LRP1B: variants seen among roughly 807,000 people sequenced by gnomAD.
The protein encoded by LRP1B is LDL receptor related protein 1B, also known as low-density lipoprotein receptor-related protein 1B.
LRP1B carries 217 observed loss-of-function variants against 556.6 expected under a neutral mutation model. The observed-to-expected ratio is 0.39, with a 90% CI of 0.35 to 0.44. LRP1B has a LOEUF of 0.44. LRP1B is among the 20% of genes least tolerant of loss of function. The probability of loss-of-function intolerance (pLI) is 1.00; values close to 1 mark genes in which losing one functional copy is unlikely to be tolerated. For missense variants in LRP1B, 5,053 were observed against 5,620.8 expected, an observed-to-expected ratio of 0.90 and a Z score of 3.23; for synonymous variants, 2,047 against 1,865.8, an observed-to-expected ratio of 1.10 and a Z score of -2.50.
At chr2:140,290,128 T>A (rs1683313588) in intron 84 of LRP1B, among the ~76,000 whole-genome samples, 1 of 152,160 alleles carries the variant, frequency 6.6e-6, no homozygotes. Context: ...CTGTTTAATA[T>A]TCTAGTGGGG....
chr2:141,832,346 C>CTT, intron 1 of LRP1B, among the ~76,000 whole-genome samples: 1 of 150,676 alleles, frequency 6.6e-6, no homozygotes, highest in East Asian at 1.9e-4. Flanking sequence ...CACACACACA[C>CTT]ACACACACAC....
chr2:141,368,270 G>A (rs1689114552), intron 3 of LRP1B, among the ~76,000 whole-genome samples: 1 of 152,164 alleles, frequency 6.6e-6, no homozygotes, highest in South Asian at 2.1e-4. Flanking sequence ...ATTTGTGAAT[G>A]TCTGAGATGT....
intron 2 of LRP1B, among the ~76,000 whole-genome samples, chr2:141,597,574 G>T (rs1263121501): frequency 6.6e-6 from 1 of 151,928 alleles, no homozygotes; most frequent in Non-Finnish European, 1.5e-5. Flanking sequence ...GTGTGTTTTT[G>T]CCCAGACTGC....
intron 1 of LRP1B, among the ~76,000 whole-genome samples, chr2:142,103,357 T>C (rs1706632736): frequency 6.6e-6 from 1 of 151,990 alleles, no homozygotes; most frequent in Admixed American, 6.6e-5. Flanking sequence ...TCAATGTATA[T>C]ATACAAGTCT....
At chr2:141,935,315 TACC>T (rs763672368) in intron 1 of LRP1B, among the ~76,000 whole-genome samples, 3 of 152,256 alleles carry the variant, frequency 2.0e-5, no homozygotes, top group East Asian at 3.9e-4. Flanking sequence ...AAGATAAAAC[TACC>T]ACATGTGACC....
At chr2:141,824,801 C>G (rs1696868899) in intron 1 of LRP1B, among the ~76,000 whole-genome samples, 1 of 152,162 alleles carries the variant, frequency 6.6e-6, no homozygotes, top group Non-Finnish European at 1.5e-5. Context: ...AGTTTCAGCT[C>G]TACAAAGGTG....
In LRP1B at chr2:140,903,101, A is replaced by C; in HGVS notation, c.3585T>G (p.Ile1195Met). Reference sequence around the variant, plus strand: ...GAAGTCCTTCAGGGCAGGAACAGACAATTCCTCTTCCAGGAACAACAGAAC... The same window carrying C: ...GAAGTCCTTCAGGGCAGGAACAGACCATTCCTCTTCCAGGAACAACAGAAC... Reference protein sequence around the residue: ...NHCSVVPGRGIVCSCPEGLQL... With the variant: ...NHCSVVPGRGMVCSCPEGLQL... Residue 1195 changes from isoleucine (I) to methionine (M), a missense_variant, in exon 23 of 91, where the codon ATT becomes ATG. Transcript: ENST00000389484. The C allele has an allele frequency of 6.2e-7, 1 of 1,613,566 alleles. No homozygotes were observed. The highest frequency in any genetic ancestry group is 1.7e-5 in the Admixed American group (1 of 59,932).
At chr2:141,267,675 T>C (rs1684939703) in intron 3 of LRP1B, among the ~76,000 whole-genome samples, 1 of 152,174 alleles carries the variant, frequency 6.6e-6, no homozygotes, top group Non-Finnish European at 1.5e-5. Context: ...CAACCAAATT[T>C]ACCAGAGGGA....
chr2:141,488,897 TAA>T (rs1334285185), intron 2 of LRP1B, among the ~76,000 whole-genome samples: 4 of 152,118 alleles, frequency 2.6e-5, no homozygotes, highest in Non-Finnish European at 5.9e-5. Context: ...TCATTATAAC[TAA>T]GTTATACATG....
intron 43 of LRP1B, among the ~76,000 whole-genome samples, chr2:140,586,999 A>T (rs1049926745): frequency 4.6e-5 from 7 of 151,714 alleles, no homozygotes; most frequent in African/African-American, 1.5e-4. Context: ...AAATCTCAGT[A>T]AAAAAAATAG....
chr2:140,263,473 G>T (rs1232662296), intron 86 of LRP1B, among the ~76,000 whole-genome samples: 2 of 152,104 alleles, frequency 1.3e-5, no homozygotes, highest in African/African-American at 4.8e-5. Context: ...ACATGGCGAG[G>T]CTGAGAATTT....
chr2:140,646,016 A>G (rs879812219), intron 41 of LRP1B, among the ~76,000 whole-genome samples: 5 of 152,086 alleles, frequency 3.3e-5, no homozygotes, highest in African/African-American at 4.8e-5. Flanking sequence ...TAGAGTTTAG[A>G]TAGACTCCAA....
At chr2:142,075,944 C>T (rs1435195007) in intron 1 of LRP1B, among the ~76,000 whole-genome samples, 1 of 152,078 alleles carries the variant, frequency 6.6e-6, no homozygotes, top group Non-Finnish European at 1.5e-5. Flanking sequence ...CTAGGTACTG[C>T]TCTGTAGGCT....
At position 141,503,311 on chromosome 2, in the gene LRP1B, G is replaced by C. The variant is rs1436698851; in HGVS notation, c.206-22778C>G. ...TTATTTTTATATATATATTAGAGTA[G>C]AGGAAATATATATATTTCCAGGAAA... is the stretch of plus-strand genomic sequence containing the variant. On this transcript the variant is annotated intron_variant, in intron 2 of 90. Transcript: ENST00000389484. Among the ~76,000 whole-genome samples the C allele has an allele frequency of 4.0e-5, 6 of 148,608 alleles. No individual in the cohort carries two copies. The East Asian group carries it at 1.2e-3, about 29-fold the overall frequency.
intron 1 of LRP1B, among the ~76,000 whole-genome samples, chr2:142,056,860 G>A (rs1181722861): frequency 6.6e-6 from 1 of 151,714 alleles, no homozygotes; most frequent in Non-Finnish European, 1.5e-5. Context: ...GATAATTTCA[G>A]CCCAGGCAAT....
intron 2 of LRP1B, among the ~76,000 whole-genome samples, chr2:141,691,418 T>C (rs1270384271): frequency 1.6e-5 from 2 of 122,852 alleles, no homozygotes. Flanking sequence ...ATTTTTCTTC[T>C]GAGTAAGAAG....
chr2:140,958,665 T>C lies in LRP1B; in HGVS notation c.2888-6725A>G, dbSNP rs142998161. On this transcript the variant is annotated intron_variant, in intron 18 of 90. Transcript: ENST00000389484. The stretch of plus-strand genomic sequence containing the variant: ...CCCAGAATTTAAGGAGACATGACTT[T>C]AGATTCAGGAAGCAAAATCTATTTT... 3.7e-3 allele frequency among the ~76,000 whole-genome samples: 568 copies of C among 151,746 alleles called. 5 individuals are homozygous for C. The highest frequency in any genetic ancestry group is 0.013 in the African/African-American group (539 of 41,530).
intron 66 of LRP1B, among the ~76,000 whole-genome samples, chr2:140,415,885 T>C (rs1685176954): frequency 6.6e-6 from 1 of 152,192 alleles, no homozygotes; most frequent in Non-Finnish European, 1.5e-5. Flanking sequence ...GTTATAGAAG[T>C]TGCAAATGCA....
At chr2:140,969,946 G>T (rs56925193) in intron 18 of LRP1B, among the ~76,000 whole-genome samples, 1 of 151,970 alleles carries the variant, frequency 6.6e-6, no homozygotes, top group Non-Finnish European at 1.5e-5. Flanking sequence ...CTCTCTGGCC[G>T]CCCTTAACAT....
Sources: gnomAD v4.1 joint callset for allele counts (sites outside exome capture counted in the v4.1 genomes callset) on GRCh38, gnomAD v4.1.1 for gene constraint, MANE v1.5 for transcripts, NCBI Gene and HGNC (gene_info 2026-07-23, HGNC 2026-07-21) for gene names.